The following FANCB variants were observed in gnomAD, a reference collection of about 807,000 sequenced individuals.
The protein encoded by FANCB is Fanconi anemia group B protein.
A neutral mutation model predicts 38.9 loss-of-function variants in FANCB; 5 were observed. The ratio of observed to expected loss-of-function variants is 0.13; its 90% CI spans 0.07 to 0.27. The LOEUF (loss-of-function observed/expected upper bound fraction) is 0.27, where lower values mean the gene tolerates loss of function less well. FANCB is among the 10% of genes least tolerant of loss of function. The pLI, the probability that FANCB is intolerant of heterozygous loss-of-function variation, is 1.00. For synonymous variants in FANCB, 236 were observed against 215.4 expected (o/e 1.10, Z -0.84); for missense variants, 573 against 602.7 (o/e 0.95, Z 0.52).
chrX:14,708,535 A>G, the FANCB span, among the ~76,000 whole-genome samples: 1 of 111,843 alleles, frequency 8.9e-6, no homozygotes, highest in African/African-American at 3.3e-5. Flanking sequence ...TATGATGCCC[A>G]TGACCCAGTG....
In FANCB at chrX:14,844,672, C is replaced by T. The variant is rs145110602; in HGVS notation, c.1996G>A (p.Gly666Ser). The change falls in exon 9 of 10, where the codon GGC becomes AGC. Residue 666 changes from glycine (G) to serine (S), a missense_variant. By Grantham distance (56) the Gly-to-Ser change is moderately conservative. Coordinates refer to ENST00000650831, the MANE Select transcript of FANCB (RefSeq NM_001018113.3). ...ACCTTCATTGAATTCAGGGCATAGC[C>T]GGGTGATGTGATTTGAAAACAAGAT... ...HKSCFQITSP[G>S]YALNSMKVWL... 1,016 of 1,208,885 alleles carry T rather than the reference C, an allele frequency of 8.4e-4. 7 individuals carry two copies. In the African/African-American group the frequency reaches 0.011, roughly 13 times the overall value.
At chrX:14,735,660 G>A in the FANCB span, among the ~76,000 whole-genome samples, 43 of 112,085 alleles carry the variant, frequency 3.8e-4, 1 homozygote, top group Non-Finnish European at 2.1e-4. Context: ...TCCTGCATGA[G>A]GTGTCTGTTG....
At chrX:14,706,540 T>C in the FANCB span, among the ~76,000 whole-genome samples, 1 of 112,453 alleles carries the variant, frequency 8.9e-6, no homozygotes, top group Non-Finnish European at 1.9e-5. Flanking sequence ...TTCAATCATA[T>C]AGAGTAATTT....
intron 5 of FANCB, among the ~76,000 whole-genome samples, chrX:14,856,058 A>G (rs2092422032): frequency 8.9e-6 from 1 of 112,154 alleles, no homozygotes; most frequent in African/African-American, 3.2e-5. Context: ...TCATAAATTA[A>G]AGTACTTTGG....
At chrX:14,745,862 G>A in the FANCB span, among the ~76,000 whole-genome samples, 3 of 107,472 alleles carry the variant, frequency 2.8e-5, no homozygotes, top group African/African-American at 1.0e-4. Context: ...ACCATGACCG[G>A]CTAATTTTTT....
At chrX:14,784,268 T>C in the FANCB span, among the ~76,000 whole-genome samples, 1 of 112,641 alleles carries the variant, frequency 8.9e-6, no homozygotes, top group East Asian at 2.8e-4. Flanking sequence ...GTCAGAAGTC[T>C]GACACAGGTC....
downstream of FANCB, among the ~76,000 whole-genome samples, chrX:14,833,416 G>A (rs1017668665): frequency 5.4e-5 from 6 of 111,859 alleles, no homozygotes; most frequent in African/African-American, 1.3e-4. Flanking sequence ...AATCTGCATC[G>A]ACTGAGAGCT....
chrX:14,840,283 T>C (rs1422220089), downstream of FANCB, among the ~76,000 whole-genome samples: 2 of 112,174 alleles, frequency 1.8e-5, no homozygotes, highest in Non-Finnish European at 3.8e-5. Flanking sequence ...GATTGCCTTG[T>C]GATTATAAGG....
intron 5 of FANCB, among the ~76,000 whole-genome samples, chrX:14,856,043 T>C (rs1005196629): frequency 1.8e-5 from 2 of 112,421 alleles, no homozygotes; most frequent in Non-Finnish European, 3.8e-5. Context: ...CATAAAGTCA[T>C]GCTTTCATAA....
At chrX:14,775,984 G>C in the FANCB span, among the ~76,000 whole-genome samples, 1 of 110,887 alleles carries the variant, frequency 9.0e-6, no homozygotes, top group Non-Finnish European at 1.9e-5. Flanking sequence ...GTGCCCAGTG[G>C]ACAGGTCATC....
the FANCB span, among the ~76,000 whole-genome samples, chrX:14,766,622 T>C: frequency 8.9e-6 from 1 of 111,890 alleles, no homozygotes; most frequent in Non-Finnish European, 1.9e-5. Context: ...TAGGCCAATG[T>C]ATAAAACTAC....
At chrX:14,695,366 G>T in the FANCB span, among the ~76,000 whole-genome samples, 1 of 111,893 alleles carries the variant, frequency 8.9e-6, no homozygotes, top group Non-Finnish European at 1.9e-5. Flanking sequence ...GAAGATAAAA[G>T]AATGCATTTG....
chrX:14,769,134 GTA>G, the FANCB span, among the ~76,000 whole-genome samples: 4 of 111,113 alleles, frequency 3.6e-5, no homozygotes, highest in African/African-American at 1.3e-4. Context: ...TTTTGTTGTT[GTA>G]TCTCTTCCAG....
At chrX:14,756,121 A>C in the FANCB span, among the ~76,000 whole-genome samples, 23 of 112,440 alleles carry the variant, frequency 2.0e-4, no homozygotes, top group African/African-American at 7.1e-4. Flanking sequence ...CTGAATGTCC[A>C]CATGCAGAAA....
chrX:14,707,214 T>C, the FANCB span, among the ~76,000 whole-genome samples: 1 of 111,466 alleles, frequency 9.0e-6, no homozygotes, highest in African/African-American at 3.3e-5. Context: ...AAGCATGACA[T>C]AGTGACACAT....
At chrX:14,828,711 T>A in the FANCB span, among the ~76,000 whole-genome samples, 1 of 111,203 alleles carries the variant, frequency 9.0e-6, no homozygotes, top group Non-Finnish European at 1.9e-5. Context: ...CCTGTTAAAG[T>A]TTATTTTTGT....
the FANCB span, among the ~76,000 whole-genome samples, chrX:14,728,118 G>C: frequency 1.8e-5 from 2 of 111,862 alleles, no homozygotes; most frequent in Non-Finnish European, 3.8e-5. Context: ...TCTGATTTTT[G>C]TGATATAATG....
the FANCB span, among the ~76,000 whole-genome samples, chrX:14,791,605 T>G: frequency 8.9e-6 from 1 of 112,086 alleles, no homozygotes; most frequent in Non-Finnish European, 1.9e-5. Flanking sequence ...TGGCTGATAT[T>G]ACAGGCAGGC....
At chrX:14,785,769 T>C in the FANCB span, among the ~76,000 whole-genome samples, 2 of 111,475 alleles carry the variant, frequency 1.8e-5, no homozygotes, top group Admixed American at 9.5e-5. Flanking sequence ...CTGCAGGAGA[T>C]GAAAGCTTCC....
Sources: allele counts gnomAD v4.1 joint callset (sites outside exome capture counted in the v4.1 genomes callset), GRCh38; gene constraint gnomAD v4.1.1; transcripts MANE v1.5; gene names NCBI Gene and HGNC (gene_info 2026-07-23, HGNC 2026-07-21).